IQSEC1: variants seen among roughly 807,000 people sequenced by gnomAD.
IQSEC1 encodes the protein IQ motif and SEC7 domain-containing protein 1.
IQSEC1 carries 31 observed loss-of-function variants against 91.0 expected under a neutral mutation model. That is an observed-to-expected ratio of 0.34 (90% CI 0.26 to 0.46). The LOEUF is 0.46. Ranked by LOEUF, IQSEC1 falls within the 20% of genes least tolerant of loss-of-function variation. The pLI is 1.00. For synonymous variants in IQSEC1, 699 were observed against 662.6 expected (o/e 1.05, Z -0.84); for missense variants, 1,388 against 1,575.6 (o/e 0.88, Z 2.02).
chr3:13,071,401 TTCATCC>T (rs1346975412), intron 1 of IQSEC1, among the ~76,000 whole-genome samples: 5 of 152,038 alleles, frequency 3.3e-5, no homozygotes, highest in Admixed American at 3.3e-4. Flanking sequence ...ATTGTCACAT[TTCATCC>T]TCATGACATC....
chr3:13,261,778 A>T (rs192213556), intron 1 of IQSEC1, among the ~76,000 whole-genome samples: 3 of 152,326 alleles, frequency 2.0e-5, no homozygotes, highest in African/African-American at 7.2e-5. Context: ...TGAAATTCAC[A>T]CAGCTCAGTT....
At chr3:12,944,523 C>T (rs1182042565) in intron 1 of IQSEC1, among the ~76,000 whole-genome samples, 1 of 151,812 alleles carries the variant, frequency 6.6e-6, no homozygotes, top group South Asian at 2.1e-4. Flanking sequence ...ACCCCAGAGC[C>T]CACGCCTCTG....
chr3:13,242,834 T>C (rs778548165), intron 1 of IQSEC1, among the ~76,000 whole-genome samples: 2 of 141,342 alleles, frequency 1.4e-5, no homozygotes, highest in South Asian at 2.2e-4. Flanking sequence ...AACATCCCAG[T>C]GCTGGAGCAA....
chr3:13,028,845 C>T (rs917580529), intron 1 of IQSEC1, among the ~76,000 whole-genome samples: 2 of 152,126 alleles, frequency 1.3e-5, no homozygotes, highest in African/African-American at 2.4e-5. Flanking sequence ...GAGGTGGAGG[C>T]GACTTGCCCT....
intron 1 of IQSEC1, among the ~76,000 whole-genome samples, chr3:13,240,224 T>TA (rs1272754290): frequency 6.6e-6 from 1 of 151,718 alleles, no homozygotes; most frequent in East Asian, 1.9e-4. Context: ...ACAAAAAATT[T>TA]AAAAAATTAA....
At chr3:12,936,879 G>A (rs1289961036) in intron 2 of IQSEC1, among the ~76,000 whole-genome samples, 182 bp from the exon 3 acceptor site, 2 of 152,128 alleles carry the variant, frequency 1.3e-5, no homozygotes, top group Admixed American at 6.5e-5. Context: ...AGGTCAAACT[G>A]GACAGAGAAG....
At chr3:13,122,447 C>T (rs1482466911) in intron 2 of IQSEC1, among the ~76,000 whole-genome samples, 1 of 152,028 alleles carries the variant, frequency 6.6e-6, no homozygotes, top group Non-Finnish European at 1.5e-5. Context: ...TTTATTAGGT[C>T]CCTCTGGCTG....
Position 12,900,783 on chromosome 3 carries a change from C to G in IQSEC1, c.*200G>C. The G allele has an allele frequency of 6.9e-7, 1 of 1,446,570 alleles. No homozygotes were observed. Among genetic ancestry groups the G allele is most frequent in the Non-Finnish European group, 9.1e-7 (1 of 1,104,698 alleles). The allele number at this position is 1,446,570 out of a possible 1,614,324, so 89.6% of individuals were successfully genotyped here. ...CTGAGGTGAGCAGAGCCCAGGGTGCCAACAAGAAATGAAATCTGGGCCTTT... is the reference window on the plus strand; with the variant it reads ...CTGAGGTGAGCAGAGCCCAGGGTGCGAACAAGAAATGAAATCTGGGCCTTT... On this transcript the variant is annotated 3_prime_UTR_variant, in exon 14 of 14. Coordinates refer to ENST00000613206, the MANE Select transcript of IQSEC1 (RefSeq NM_001134382.3).
chr3:13,280,983 C>T (rs1009543529), intron 1 of IQSEC1, among the ~76,000 whole-genome samples: 1 of 152,232 alleles, frequency 6.6e-6, no homozygotes, highest in Non-Finnish European at 1.5e-5. Flanking sequence ...AGGGGGATGC[C>T]CCACGGAAGG....
Position 12,908,661 on chromosome 3 carries a change from GA to G in IQSEC1, c.2579-137del. On this transcript the variant is annotated intron_variant, in intron 11 of 13. Coordinates refer to ENST00000613206, the MANE Select transcript of IQSEC1 (RefSeq NM_001134382.3). This position sits in a 1 kb window ranked among gnomAD's most constrained non-coding sequence, Gnocchi z 4.9. The stretch of plus-strand genomic sequence containing the variant: ...ATGGGGAAGGGTTGTTTCTGGGAAA[GA>G]GGGTGTGATGGCCACCCTGGACAAA... The G allele has an allele frequency of 2.0e-6, 2 of 986,186 alleles. No individual in the cohort carries two copies. The highest frequency in any genetic ancestry group is 3.0e-6 in the Non-Finnish European group (2 of 660,314). 61.1% of individuals were successfully genotyped at this position (986,186 alleles called of 1,614,324 possible).
At chr3:12,952,565 A>T (rs1159976010) in intron 1 of IQSEC1, among the ~76,000 whole-genome samples, 1 of 151,966 alleles carries the variant, frequency 6.6e-6, no homozygotes, top group East Asian at 1.9e-4. Context: ...TGAAAACACA[A>T]CCCTGACCAC....
intron 1 of IQSEC1, among the ~76,000 whole-genome samples, chr3:12,946,287 A>G (rs1699174215): frequency 1.3e-5 from 2 of 152,238 alleles, no homozygotes; most frequent in Non-Finnish European, 2.9e-5. Context: ...CCCATTGAAC[A>G]GGACTGGTGA....
At chr3:13,221,218 G>A (rs1279878300) in intron 1 of IQSEC1, among the ~76,000 whole-genome samples, 1 of 152,194 alleles carries the variant, frequency 6.6e-6, no homozygotes, top group African/African-American at 2.4e-5. Context: ...ACGGTGGGGT[G>A]CCTGGGTGGT....
At chr3:13,120,556 C>G (rs1706406831) in intron 2 of IQSEC1, among the ~76,000 whole-genome samples, 1 of 152,174 alleles carries the variant, frequency 6.6e-6, no homozygotes, top group Non-Finnish European at 1.5e-5. Context: ...TTCCTCTTCC[C>G]CGAGGAGGAG....
Position 13,043,544 on chromosome 3 carries a change from C to A in IQSEC1, c.23+29448G>T, listed in dbSNP as rs116694745. ...CACTCCAGCACCCCTCGTGTCTAAG[C>A]TATAGCAGCTCAGCCCCCTTCAGCC... On this transcript the variant is annotated intron_variant, in intron 1 of 13. Coordinates refer to ENST00000613206, the MANE Select transcript of IQSEC1 (RefSeq NM_001134382.3). Among the ~76,000 whole-genome samples, 10 of 152,360 alleles carry A rather than the reference C, an allele frequency of 6.6e-5. No homozygotes were observed. In the East Asian group the frequency reaches 1.7e-3, roughly 26 times the overall value.
At chr3:12,961,488 A>G (rs1041225265) in intron 1 of IQSEC1, among the ~76,000 whole-genome samples, 4 of 152,230 alleles carry the variant, frequency 2.6e-5, no homozygotes, top group Non-Finnish European at 2.9e-5. Context: ...AGCACAAGCT[A>G]AAGTCCATGG....
chr3:12,999,330 C>G (rs6795563), intron 1 of IQSEC1, among the ~76,000 whole-genome samples: 1 of 152,168 alleles, frequency 6.6e-6, no homozygotes, highest in Non-Finnish European at 1.5e-5. Context: ...TGTCCTTGGG[C>G]TCATGGGAGC....
chr3:13,124,304 G>A (rs540598458), intron 2 of IQSEC1, among the ~76,000 whole-genome samples: 2 of 152,184 alleles, frequency 1.3e-5, no homozygotes, highest in Non-Finnish European at 2.9e-5. Flanking sequence ...GGCCCCCACC[G>A]AGCTCACCAA....
chr3:12,901,612 C>T (rs1364337497), intron 13 of IQSEC1, 90 bp from the exon 14 acceptor site: 6 of 1,086,766 alleles, frequency 5.5e-6, no homozygotes, highest in Non-Finnish European at 6.6e-6. Context: ...AAAAATTCAC[C>T]CACTGACTGC....
Sources: gnomAD v4.1 joint callset for allele counts (sites outside exome capture counted in the v4.1 genomes callset) on GRCh38, gnomAD v4.1.1 for gene constraint, Gnocchi (gnomAD v3.1) non-coding constraint, MANE v1.5 for transcripts, NCBI Gene and HGNC (gene_info 2026-07-23, HGNC 2026-07-21) for gene names.